Variants in CAMK1D observed in about 807,000 individuals in gnomAD.
The protein encoded by CAMK1D is calcium/calmodulin-dependent protein kinase type 1D.
Under a neutral mutation model 47.7 loss-of-function variants are expected in CAMK1D, and 9 were observed. The observed-to-expected ratio is 0.19, with a 90% confidence interval of 0.11 to 0.33. The LOEUF is 0.33. Ranked by LOEUF, CAMK1D falls within the 10% of genes least tolerant of loss-of-function variation. The probability of loss-of-function intolerance (pLI) is 1.00; values close to 1 mark genes in which losing one functional copy is unlikely to be tolerated. For synonymous variants in CAMK1D, 184 were observed against 184.9 expected (o/e 0.99, Z 0.04); for missense variants, 291 against 488.7 (o/e 0.60, Z 3.81).
intron 1 of CAMK1D, among the ~76,000 whole-genome samples, chr10:12,367,119 A>G (rs922092542): frequency 1.3e-5 from 2 of 152,178 alleles, no homozygotes; most frequent in African/African-American, 4.8e-5. Context: ...TACTTGTGAG[A>G]AAAAGGGGAT....
rs555080639 is a variant in CAMK1D at position 12,530,665 on chromosome 10, G to T, written c.93-22560G>T. On this transcript the variant is annotated intron_variant, in intron 1 of 10. Transcript: ENST00000619168. ...GGCCTCGGGGTCTGGGGAGGCAGCGGTTCCCCCTAGTTTCTGCCAAGAACT... is the reference window on the plus strand; with the variant it reads ...GGCCTCGGGGTCTGGGGAGGCAGCGTTTCCCCCTAGTTTCTGCCAAGAACT... Among the ~76,000 whole-genome samples, 54 of 152,272 alleles carry T rather than the reference G, an allele frequency of 3.5e-4. 1 individual carries two copies. The highest frequency in any genetic ancestry group is 3.0e-3 in the Admixed American group (46 of 15,296).
chr10:12,659,327 G>C (rs79405547), intron 2 of CAMK1D, among the ~76,000 whole-genome samples: 10,311 of 152,262 alleles, frequency 0.068, 400 homozygotes, highest in South Asian at 0.18. Flanking sequence ...TCAGGAGACA[G>C]CACGGAAAAT....
At chr10:12,386,472 CAA>C (rs201680749) in intron 1 of CAMK1D, among the ~76,000 whole-genome samples, 11 of 126,290 alleles carry the variant, frequency 8.7e-5, no homozygotes, top group African/African-American at 8.8e-5. Flanking sequence ...AACCCTGTCT[CAA>C]AAAAAAAAAA....
chr10:12,504,997 A>G (rs1834826841), intron 1 of CAMK1D, among the ~76,000 whole-genome samples: 1 of 149,566 alleles, frequency 6.7e-6, no homozygotes, highest in Non-Finnish European at 1.5e-5. Flanking sequence ...GCTTCGAAGC[A>G]CAGGCTGCCA....
intron 1 of CAMK1D, among the ~76,000 whole-genome samples, chr10:12,388,070 G>A (rs186495299): frequency 2.8e-4 from 42 of 152,202 alleles, no homozygotes; most frequent in Non-Finnish European, 4.7e-4. Context: ...CTTTGAGTAG[G>A]TTGAGGTGAC....
intron 5 of CAMK1D, among the ~76,000 whole-genome samples, chr10:12,781,795 G>C (rs187810786): frequency 3.7e-4 from 56 of 152,046 alleles, no homozygotes; most frequent in African/African-American, 1.3e-3. Context: ...GGGATTACAA[G>C]CACGCATCAC....
chr10:12,424,050 C>A (rs113615339), intron 1 of CAMK1D, among the ~76,000 whole-genome samples: 3 of 152,160 alleles, frequency 2.0e-5, no homozygotes, highest in Non-Finnish European at 4.4e-5. Flanking sequence ...GCGGCCTGTT[C>A]GTCCTAACTG....
At chr10:12,550,904 G>T (rs184099725) in intron 1 of CAMK1D, among the ~76,000 whole-genome samples, 7 of 152,352 alleles carry the variant, frequency 4.6e-5, no homozygotes, top group Admixed American at 2.6e-4. Context: ...GCACTGAGTG[G>T]AAGTGAATTC....
chr10:12,764,787 G>A (rs980873225), intron 4 of CAMK1D, among the ~76,000 whole-genome samples: 1 of 152,110 alleles, frequency 6.6e-6, no homozygotes, highest in Non-Finnish European at 1.5e-5. Flanking sequence ...ACTGATTGGC[G>A]ACTTTACTTT....
intron 1 of CAMK1D, among the ~76,000 whole-genome samples, chr10:12,415,023 C>T (rs1244726857): frequency 2.0e-5 from 3 of 151,958 alleles, no homozygotes; most frequent in South Asian, 2.1e-4. Context: ...GTTATGTTTC[C>T]CAGTTTGATT....
At chr10:12,789,996 C>T (rs999016913) in intron 5 of CAMK1D, among the ~76,000 whole-genome samples, 3 of 152,238 alleles carry the variant, frequency 2.0e-5, no homozygotes, top group African/African-American at 7.2e-5. Context: ...TGCTGGTCGC[C>T]AGAGTGGGTG....
At chr10:12,755,273 A>G (rs559409859) in intron 3 of CAMK1D, among the ~76,000 whole-genome samples, 4 of 152,150 alleles carry the variant, frequency 2.6e-5, no homozygotes, top group Non-Finnish European at 5.9e-5. Context: ...CACCAAACCT[A>G]CGGAAGTTAT....
At chr10:12,373,305 C>G (rs1838059240) in intron 1 of CAMK1D, among the ~76,000 whole-genome samples, 1 of 141,624 alleles carries the variant, frequency 7.1e-6, no homozygotes, top group Non-Finnish European at 1.5e-5. Flanking sequence ...AGAGGGAGAG[C>G]CTGTCTCAAT....
chr10:12,489,090 C>T (rs765140196), intron 1 of CAMK1D, among the ~76,000 whole-genome samples: 3 of 152,120 alleles, frequency 2.0e-5, no homozygotes, highest in African/African-American at 7.2e-5. Flanking sequence ...CGCCCGCCAC[C>T]GTGCCTGGCT....
chr10:12,380,663 T>C (rs570260662), intron 1 of CAMK1D, among the ~76,000 whole-genome samples: 6 of 152,294 alleles, frequency 3.9e-5, no homozygotes, highest in South Asian at 2.1e-4. Flanking sequence ...GAGACCATCC[T>C]GGCTAACACG....
At chr10:12,357,122 T>C (rs1837541448) in intron 1 of CAMK1D, among the ~76,000 whole-genome samples, 1 of 152,158 alleles carries the variant, frequency 6.6e-6, no homozygotes, top group Admixed American at 6.6e-5. Context: ...TTTGTCACAT[T>C]ACTGGTCAAC....
intron 6 of CAMK1D, 71 bp from the exon 7 acceptor site, chr10:12,814,124 T>C (rs1832710086): frequency 9.8e-7 from 1 of 1,015,748 alleles, no homozygotes; most frequent in Non-Finnish European, 1.5e-6. Context: ...GTCTCTTCCT[T>C]CCAGGCAAAG....
chr10:12,785,808 A>G (rs1485939140), intron 5 of CAMK1D, among the ~76,000 whole-genome samples: 1 of 152,178 alleles, frequency 6.6e-6, no homozygotes, highest in Non-Finnish European at 1.5e-5. Flanking sequence ...AGGGCTATGT[A>G]CCTCACCACA....
chr10:12,574,518 A>G (rs1421940637), intron 2 of CAMK1D, among the ~76,000 whole-genome samples: 1 of 114,338 alleles, frequency 8.7e-6, no homozygotes, highest in Non-Finnish European at 1.6e-5. Flanking sequence ...GGGCTTCGCC[A>G]TGTTGCCCAG....
Sources: allele counts gnomAD v4.1 joint callset (sites outside exome capture counted in the v4.1 genomes callset), GRCh38; gene constraint gnomAD v4.1.1; transcripts MANE v1.5; gene names NCBI Gene and HGNC (gene_info 2026-07-23, HGNC 2026-07-21).